The following GRM5 variants were observed in gnomAD, a reference collection of about 807,000 sequenced individuals.
GRM5 encodes the protein glutamate metabotropic receptor 5.
Under a neutral mutation model 83.1 loss-of-function variants are expected in GRM5, and 19 were observed. That is an observed-to-expected ratio of 0.23 (90% CI 0.16 to 0.34). GRM5 has a LOEUF of 0.34. Among genes scored for constraint, GRM5 ranks in the 10% least tolerant of loss-of-function variants. The probability of loss-of-function intolerance (pLI) is 1.00; values close to 1 mark genes in which losing one functional copy is unlikely to be tolerated. For missense variants in GRM5, 1,160 were observed against 1,588.3 expected, an observed-to-expected ratio of 0.73 and a Z score of 4.58; for synonymous variants, 675 against 633.6, an observed-to-expected ratio of 1.07 and a Z score of -0.98.
At chr11:88,780,063 T>C (rs568191209) in intron 3 of GRM5, among the ~76,000 whole-genome samples, 2 of 152,320 alleles carry the variant, frequency 1.3e-5, no homozygotes, top group African/African-American at 4.8e-5. Context: ...ATCTCAACTC[T>C]TCTGCAGAAT....
At chr11:88,894,035 T>G (rs1156353232) in intron 2 of GRM5, among the ~76,000 whole-genome samples, 3 of 151,940 alleles carry the variant, frequency 2.0e-5, no homozygotes, top group Non-Finnish European at 4.4e-5. Context: ...GGAGTTTGCA[T>G]CGGTGAATGC....
At chr11:88,549,819 G>A (rs1166917751) in intron 8 of GRM5, among the ~76,000 whole-genome samples, 1 of 152,034 alleles carries the variant, frequency 6.6e-6, no homozygotes, top group Non-Finnish European at 1.5e-5. Flanking sequence ...TATACCCGCT[G>A]AACTCAATTT....
intron 2 of GRM5, among the ~76,000 whole-genome samples, chr11:89,024,278 T>C (rs1242373698): frequency 2.0e-5 from 3 of 152,190 alleles, no homozygotes; most frequent in Non-Finnish European, 4.4e-5. Flanking sequence ...AAGATACTCA[T>C]TGAAAGATTA....
chr11:88,624,076 G>A lies in GRM5; in HGVS notation c.1148-19112C>T, dbSNP rs368739948. ...GATTTTCATAATAATTAGTGGCTTG[G>A]CTCTATTCAGTGTTTGATGGGCTTG... is the stretch of plus-strand genomic sequence containing the variant. On this transcript the variant is annotated intron_variant, in intron 4 of 9. Transcript: ENST00000305447. Among the ~76,000 whole-genome samples, 18 of 152,216 alleles carry A rather than the reference G, an allele frequency of 1.2e-4. No homozygotes were observed. In the East Asian group the frequency reaches 1.9e-3, roughly 16 times the overall value.
intron 4 of GRM5, among the ~76,000 whole-genome samples, chr11:88,639,734 C>T (rs111751347): frequency 0.06 from 9,119 of 152,086 alleles, 269 homozygotes; most frequent in Middle Eastern, 0.071. Context: ...ACTACAGGTG[C>T]CTGCCACCAC....
At chr11:88,673,230 A>T (rs765873216) in intron 3 of GRM5, among the ~76,000 whole-genome samples, 1 of 151,888 alleles carries the variant, frequency 6.6e-6, no homozygotes, top group Non-Finnish European at 1.5e-5. Context: ...CAAGGAAGTG[A>T]TTATAGGATG....
At chr11:88,959,339 G>A (rs533876680) in intron 2 of GRM5, among the ~76,000 whole-genome samples, 8 of 152,056 alleles carry the variant, frequency 5.3e-5, no homozygotes, top group Non-Finnish European at 5.9e-5. Context: ...CTCCATCAGA[G>A]ACAGATATGT....
Position 88,763,309 on chromosome 11 carries a change from T to G in GRM5, c.911+86597A>C, listed in dbSNP as rs1054058498. ...TAGGGTTAAATTAAGGGACACTAGA[T>G]AATAACTCAAAGCCATAAGAAGACA... On this transcript the variant is annotated intron_variant, in intron 3 of 9. Coordinates refer to ENST00000305447, the MANE Select transcript of GRM5 (RefSeq NM_001143831.3). Among the ~76,000 whole-genome samples, 8 of 151,782 alleles carry G rather than the reference T, an allele frequency of 5.3e-5. No homozygotes were observed. The East Asian group carries it at 5.8e-4, about 11-fold the overall frequency.
chr11:88,801,446 G>T (rs548982666), intron 3 of GRM5, among the ~76,000 whole-genome samples: 165 of 152,154 alleles, frequency 1.1e-3, no homozygotes, highest in Non-Finnish European at 1.9e-3. Flanking sequence ...GTTTCTTCTA[G>T]TATAGGAGAC....
intron 8 of GRM5, among the ~76,000 whole-genome samples, chr11:88,545,015 A>G (rs888378747): frequency 6.6e-6 from 1 of 152,208 alleles, no homozygotes; most frequent in Non-Finnish European, 1.5e-5. Context: ...CCTCAAAGAG[A>G]TGGGACCTGA....
At chr11:88,924,726 C>A (rs72643349) in intron 2 of GRM5, among the ~76,000 whole-genome samples, 4,255 of 151,720 alleles carry the variant, frequency 0.028, 110 homozygotes, top group East Asian at 0.11. Flanking sequence ...GTTTAGATAT[C>A]TAATATTATA....
chr11:88,798,064 TCTTTCTC>T (rs1270603443), intron 3 of GRM5, among the ~76,000 whole-genome samples: 1 of 152,160 alleles, frequency 6.6e-6, no homozygotes, highest in Admixed American at 6.6e-5. Context: ...TCCTGTCTGC[TCTTTCTC>T]CTTTCTCTTA....
At chr11:88,606,607 G>A (rs181725905) in intron 4 of GRM5, among the ~76,000 whole-genome samples, 2 of 152,288 alleles carry the variant, frequency 1.3e-5, no homozygotes, top group Non-Finnish European at 2.9e-5. Context: ...GGCTAGGGAG[G>A]GACATGATCA....
chr11:88,910,255 C>T (rs1300421829), intron 2 of GRM5, among the ~76,000 whole-genome samples: 1 of 151,922 alleles, frequency 6.6e-6, no homozygotes, highest in Non-Finnish European at 1.5e-5. Context: ...GACTTCATTC[C>T]TTCTTAAGGC....
intron 8 of GRM5, among the ~76,000 whole-genome samples, chr11:88,551,450 T>C (rs1226024248): frequency 6.6e-6 from 1 of 152,164 alleles, no homozygotes; most frequent in Non-Finnish European, 1.5e-5. Context: ...AGGTATAAAA[T>C]GTTGCAGACT....
At chr11:88,905,987 T>C (rs886785872) in intron 2 of GRM5, among the ~76,000 whole-genome samples, 1 of 152,166 alleles carries the variant, frequency 6.6e-6, no homozygotes, top group Non-Finnish European at 1.5e-5. Context: ...GGACAAGATC[T>C]GAAAACTGTT....
At chr11:88,664,896 T>C (rs1308504759) in intron 3 of GRM5, among the ~76,000 whole-genome samples, 1 of 152,214 alleles carries the variant, frequency 6.6e-6, no homozygotes, top group Non-Finnish European at 1.5e-5. Context: ...CTGAGGGTCT[T>C]AGAATCAATC....
chr11:89,041,560 C>A (rs1386853543), intron 2 of GRM5, among the ~76,000 whole-genome samples: 2 of 152,192 alleles, frequency 1.3e-5, no homozygotes, highest in Admixed American at 6.5e-5. Flanking sequence ...CTATATTTTT[C>A]TCTGAAAGAG....
At position 88,824,322 on chromosome 11, in the gene GRM5, C is replaced by A. The variant is rs75825744; in HGVS notation, c.911+25584G>T. 3.9e-5 allele frequency among the ~76,000 whole-genome samples: 6 copies of A among 152,216 alleles called. No homozygotes were observed. In the East Asian group the frequency reaches 5.8e-4, roughly 15 times the overall value. ...ATATTAGCAGTCTTCGATGAACATA[C>A]AAGGAACTACCAGAGCTAGATTACA... On this transcript the variant is annotated intron_variant, in intron 3 of 9. Transcript: ENST00000305447.
Sources: allele counts gnomAD v4.1 joint callset (sites outside exome capture counted in the v4.1 genomes callset), GRCh38; gene constraint gnomAD v4.1.1; transcripts MANE v1.5; gene names NCBI Gene and HGNC (gene_info 2026-07-23, HGNC 2026-07-21).